PIK3CB: variants seen among roughly 807,000 people sequenced by gnomAD.
PIK3CB encodes the protein phosphatidylinositol-4,5-bisphosphate 3-kinase catalytic subunit beta, also known as phosphatidylinositol 4,5-bisphosphate 3-kinase catalytic subunit beta isoform.
Under a neutral mutation model 136.8 loss-of-function variants are expected in PIK3CB, and 39 were observed. The observed-to-expected ratio is 0.29, with a 90% CI of 0.22 to 0.37. PIK3CB has a LOEUF of 0.37. Among genes scored for constraint, PIK3CB ranks in the 10% least tolerant of loss-of-function variants. PIK3CB has a pLI of 1.00. For missense variants in PIK3CB, 868 were observed against 1,275.4 expected, an observed-to-expected ratio of 0.68 and a Z score of 4.87; for synonymous variants, 428 against 436.6, an observed-to-expected ratio of 0.98 and a Z score of 0.25.
intron 5 of PIK3CB, among the ~76,000 whole-genome samples, chr3:138,738,283 T>C (rs865839061): frequency 6.6e-6 from 1 of 152,122 alleles, no homozygotes; most frequent in Non-Finnish European, 1.5e-5. Flanking sequence ...GCAATTCTCC[T>C]GTCTCAGCCT....
intron 3 of PIK3CB, among the ~76,000 whole-genome samples, chr3:138,756,287 G>A (rs1308014083): frequency 6.6e-6 from 1 of 152,010 alleles, no homozygotes; most frequent in Non-Finnish European, 1.5e-5. Context: ...TGTTTGTAGG[G>A]TAATATAATG....
chr3:138,779,159 T>A (rs1345514205), intron 2 of PIK3CB, among the ~76,000 whole-genome samples: 1 of 150,272 alleles, frequency 6.7e-6, no homozygotes, highest in African/African-American at 2.4e-5. Context: ...GATCTCGGCA[T>A]ACTGCAAGCT....
intron 1 of PIK3CB, among the ~76,000 whole-genome samples, chr3:138,816,774 G>A (rs1031802028): frequency 6.6e-6 from 1 of 152,116 alleles, no homozygotes; most frequent in Non-Finnish European, 1.5e-5. Context: ...TCATTTGGGT[G>A]AGCAGATGAT....
chr3:138,830,700 C>A (rs1161435437), intron 1 of PIK3CB, among the ~76,000 whole-genome samples: 2 of 151,186 alleles, frequency 1.3e-5, no homozygotes, highest in African/African-American at 2.4e-5. Context: ...GAGATCGAGA[C>A]CATCCTGGTG....
At position 138,830,903 on chromosome 3, in the gene PIK3CB, A is replaced by AAATAATAAT. The variant is rs373908245; in HGVS notation, c.-122+3783_-122+3791dup. ...GGCAACAGAGCGAAACTCCGTCTCA[A>AAATAATAAT]AATAATAATAATAATAATAATAATA... On this transcript the variant is annotated intron_variant, in intron 1 of 23. Coordinates refer to ENST00000674063, the MANE Select transcript of PIK3CB (RefSeq NM_006219.3). Among the ~76,000 whole-genome samples, 1,304 of 136,964 alleles carry AAATAATAAT rather than the reference A, an allele frequency of 9.5e-3. 7 individuals are homozygous for AAATAATAAT. The highest frequency in any genetic ancestry group is 0.015 in the South Asian group (65 of 4,246). 89.9% of individuals were successfully genotyped at this position (136,964 alleles called of 152,430 possible). A position where few individuals can be genotyped will look rare whatever the true frequency, so the allele number is the denominator to read the frequency against.
At chr3:138,716,162 AG>A (rs2044602227) in intron 8 of PIK3CB, among the ~76,000 whole-genome samples, 1 of 152,210 alleles carries the variant, frequency 6.6e-6, no homozygotes, top group African/African-American at 2.4e-5. Context: ...GGATACTAAA[AG>A]TAGTTGCAGT....
intron 2 of PIK3CB, among the ~76,000 whole-genome samples, chr3:138,786,639 C>T (rs939102229): frequency 2.6e-5 from 4 of 151,772 alleles, no homozygotes; most frequent in African/African-American, 9.7e-5. Flanking sequence ...AGCCACCGTG[C>T]CCAGCCTGTA....
chr3:138,704,366 C>A, intron 12 of PIK3CB, 77 bp downstream of exon 12: 1 of 977,610 alleles, frequency 1.0e-6, no homozygotes. Flanking sequence ...TCTGTGAGTT[C>A]ATTACTATGA....
intron 21 of PIK3CB, among the ~76,000 whole-genome samples, chr3:138,661,056 C>T (rs1167917816): frequency 6.6e-6 from 1 of 152,202 alleles, no homozygotes; most frequent in African/African-American, 2.4e-5. Flanking sequence ...GTCAACTATA[C>T]ATCTGGCTGC....
At chr3:138,763,966 C>T (rs2045695762) in intron 2 of PIK3CB, among the ~76,000 whole-genome samples, 1 of 151,920 alleles carries the variant, frequency 6.6e-6, no homozygotes, top group African/African-American at 2.4e-5. Flanking sequence ...CAAACATTAG[C>T]TGGGCATGGA....
At chr3:138,758,542 G>T (rs1034846192) in intron 3 of PIK3CB, among the ~76,000 whole-genome samples, 8 of 152,138 alleles carry the variant, frequency 5.3e-5, no homozygotes, top group African/African-American at 1.9e-4. Context: ...TTACTTTAAG[G>T]ATCATGCCAT....
At chr3:138,664,313 T>A (rs890647292) in intron 20 of PIK3CB, among the ~76,000 whole-genome samples, 58 of 152,254 alleles carry the variant, frequency 3.8e-4, no homozygotes, top group African/African-American at 1.3e-3. Context: ...ATGTTCACAG[T>A]ACTTAGAAGA....
intron 1 of PIK3CB, among the ~76,000 whole-genome samples, chr3:138,820,745 C>T (rs1010202820): frequency 6.6e-6 from 1 of 152,158 alleles, no homozygotes; most frequent in African/African-American, 2.4e-5. Flanking sequence ...CCACCCACCT[C>T]GGCCTCTCAG....
chr3:138,693,936 A>T (rs1231571455), intron 14 of PIK3CB, among the ~76,000 whole-genome samples: 2 of 64,602 alleles, frequency 3.1e-5, no homozygotes, highest in Non-Finnish European at 6.1e-5. Flanking sequence ...ATTTGCTTAA[A>T]ATATATATAT....
chr3:138,730,919 T>C (rs1219368375), intron 8 of PIK3CB, among the ~76,000 whole-genome samples: 1 of 152,042 alleles, frequency 6.6e-6, no homozygotes, highest in African/African-American at 2.4e-5. Context: ...GACAAAGTAA[T>C]ACCCTGTCTC....
rs536444512 is a variant in PIK3CB at position 138,743,505 on chromosome 3, T to G, written c.398-724A>C. On this transcript the variant is annotated intron_variant, in intron 4 of 23. Transcript: ENST00000674063. ...TTGTTTGGTTGATTCTCAAACAACA[T>G]GGTGGATGGGGCACCAACCCCCTAC... Among the ~76,000 whole-genome samples, 7 of 152,330 alleles carry G rather than the reference T, an allele frequency of 4.6e-5. No individual in the cohort carries two copies. The South Asian group carries it at 1.0e-3, about 23-fold the overall frequency.
At chr3:138,806,209 G>T (rs762523021) in intron 1 of PIK3CB, among the ~76,000 whole-genome samples, 1 of 152,024 alleles carries the variant, frequency 6.6e-6, no homozygotes, top group Non-Finnish European at 1.5e-5. Context: ...GAAATCGGCC[G>T]GGTGAGGTAG....
At chr3:138,814,948 T>C (rs1357978791) in intron 1 of PIK3CB, among the ~76,000 whole-genome samples, 2 of 151,716 alleles carry the variant, frequency 1.3e-5, no homozygotes, top group African/African-American at 2.4e-5. Flanking sequence ...CCATCCTGGC[T>C]AACACGGTGA....
chr3:138,803,829 A>C (rs1168994168), intron 1 of PIK3CB, among the ~76,000 whole-genome samples: 1 of 152,076 alleles, frequency 6.6e-6, no homozygotes. Flanking sequence ...ATTTTCAGAA[A>C]GTCTCTGTGG....
Sources: gnomAD v4.1 joint callset for allele counts (sites outside exome capture counted in the v4.1 genomes callset) on GRCh38, gnomAD v4.1.1 for gene constraint, MANE v1.5 for transcripts, NCBI Gene and HGNC (gene_info 2026-07-23, HGNC 2026-07-21) for gene names.